The following FBF1 variants were observed in gnomAD, a reference collection of about 807,000 sequenced individuals.
FBF1 encodes the protein fas-binding factor 1.
In FBF1, 119 loss-of-function variants were observed where a neutral mutation model predicts 147.2. That is an observed-to-expected ratio of 0.81 (90% CI 0.70 to 0.94). The LOEUF (loss-of-function observed/expected upper bound fraction) is 0.94, where lower values mean the gene tolerates loss of function less well. FBF1 is among the 40% of genes least tolerant of loss of function. The probability of loss-of-function intolerance (pLI) is 0.00; values close to 1 mark genes in which losing one functional copy is unlikely to be tolerated. For missense variants in FBF1, 1,449 were observed against 1,500.8 expected (o/e 0.97, Z 0.57); for synonymous variants, 601 against 609.0 (o/e 0.99, Z 0.19).
chr17:75,930,203 C>G, intron 6 of FBF1, 156 bp from the exon 7 acceptor site: 1 of 613,298 alleles, frequency 1.6e-6, no homozygotes, highest in Admixed American at 2.8e-5. Flanking sequence ...TGGCTTTGTT[C>G]CCCTTGCTTG....
In FBF1 at chr17:75,928,498, CT is replaced by C. The variant is rs578182291; in HGVS notation, c.280-306del. 1.6e-3 allele frequency among the ~76,000 whole-genome samples: 248 copies of C among 152,146 alleles called. No individual in the cohort carries two copies. The highest frequency in any genetic ancestry group is 5.7e-3 in the African/African-American group (237 of 41,502). On this transcript the variant is annotated intron_variant, in intron 7 of 29. Transcript: ENST00000636174. The surrounding 1 kb of genome is among the most constrained non-coding windows in gnomAD (Gnocchi z 4.2). ...TAGGTGGCTGGTCTCGGGAAAAAAG[CT>C]TTCTTTTTTTTCTTTTTTTAGACAG... is the stretch of plus-strand genomic sequence containing the variant.
At chr17:75,924,224 TA>T (rs2065546896) in intron 13 of FBF1, among the ~76,000 whole-genome samples, 1 of 151,982 alleles carries the variant, frequency 6.6e-6, no homozygotes, top group African/African-American at 2.4e-5. Flanking sequence ...AAAAAAATAA[TA>T]ATAAGTTGGA....
chr17:75,918,583 T>A lies in FBF1; in HGVS notation c.2139-314A>T, dbSNP rs1460409734. On this transcript the variant is annotated intron_variant, in intron 20 of 29. Coordinates refer to ENST00000636174, the MANE Select transcript of FBF1 (RefSeq NM_001319193.2). The surrounding 1 kb of genome is among the most constrained non-coding windows in gnomAD (Gnocchi z 5.8). ...CATGATCTCGGCTCACTGCAACCTC[T>A]GCCTCCTGGGTTCAAGCAATTCTCC... 6.6e-6 allele frequency among the ~76,000 whole-genome samples: 1 copy of A among 152,050 alleles called. No homozygotes were observed. The highest frequency in any genetic ancestry group is 2.4e-5 in the African/African-American group (1 of 41,394).
At chr17:75,936,595 A>C (rs1447750040) in intron 3 of FBF1, among the ~76,000 whole-genome samples, 2 of 152,144 alleles carry the variant, frequency 1.3e-5, no homozygotes, top group Non-Finnish European at 2.9e-5. Context: ...GAATTGCTTG[A>C]AACTGGGAGG....
Position 75,919,952 on chromosome 17 carries a change from G to A in FBF1, c.1931+55C>T. On this transcript the variant is annotated intron_variant, in intron 19 of 29. Transcript: ENST00000636174. The surrounding 1 kb of genome is among the most constrained non-coding windows in gnomAD (Gnocchi z 5.0). ...AAAGGCCTCTCCAGGCACACTGGGTGGCCTTTGGGGTCAGTGTGAGATCCA... is the reference window on the plus strand; with the variant it reads ...AAAGGCCTCTCCAGGCACACTGGGTAGCCTTTGGGGTCAGTGTGAGATCCA... The A allele has an allele frequency of 6.2e-7, 1 of 1,609,272 alleles. No individual in the cohort carries two copies. The highest frequency in any genetic ancestry group is 8.5e-7 in the Non-Finnish European group (1 of 1,176,492).
Position 75,921,519 on chromosome 17 carries a change from G to A in FBF1, c.1568C>T (p.Thr523Ile). Residue 523 changes from threonine to isoleucine, a missense_variant, in exon 16 of 30, where the codon ACA becomes ATA. Physicochemically the swap from Thr to Ile is moderately conservative, Grantham distance 89. Transcript: ENST00000636174. ...GGCTGTTCCCCTCTTTGGGGAACCT[G>A]TAGGGAGTGCTGAGGCGGCATGGTT... The part of the protein sequence containing the change: ...TQNHAASALP[T>I]GSPKRGTAPG... 6.2e-7 allele frequency: 1 copy of A among 1,613,234 alleles called. No individual in the cohort carries two copies. The highest frequency in any genetic ancestry group is 8.5e-7 in the Non-Finnish European group (1 of 1,179,638).
rs779810936 is a variant in FBF1, at chr17:75,925,351, C to A, written c.964G>T (p.Val322Phe). 6.2e-7 allele frequency: 1 copy of A among 1,612,554 alleles called. No individual in the cohort carries two copies. Among genetic ancestry groups the A allele is most frequent in the East Asian group, 2.2e-5 (1 of 44,874 alleles). Residue 322 changes from valine to phenylalanine, a missense_variant, in exon 13 of 30, where the codon GTC becomes TTC. Coordinates refer to ENST00000636174, the MANE Select transcript of FBF1 (RefSeq NM_001319193.2). This position sits in a 1 kb window ranked among gnomAD's most constrained non-coding sequence, Gnocchi z 5.0. ...CCTCCTGCAGGCCCCACTTACCTGA[C>A]AGACTGCCGGCGGGACTGCCGGCCC... ...SEGRQSRRQS[V>F]SRFFADSGAD...
chr17:75,933,728 G>A (rs1457592781), intron 4 of FBF1, among the ~76,000 whole-genome samples: 1 of 152,150 alleles, frequency 6.6e-6, no homozygotes, highest in African/African-American at 2.4e-5. Flanking sequence ...AAAAAGACAA[G>A]TAACCCAATT....
At position 75,931,437 on chromosome 17, in the gene FBF1, A is replaced by G; in HGVS notation, c.168-148T>C. On this transcript the variant is annotated intron_variant, in intron 5 of 29. Coordinates refer to ENST00000636174, the MANE Select transcript of FBF1 (RefSeq NM_001319193.2). ...TAAAAGGAATGTCACAGGCCACCTG[A>G]TGCAGTGATTTTCAACTTTGTTAGC... is the stretch of plus-strand genomic sequence containing the variant. 7.7e-6 allele frequency: 5 copies of G among 652,590 alleles called. No individual in the cohort carries two copies. The South Asian group carries it at 9.5e-5, about 12-fold the overall frequency. 40.4% of individuals were successfully genotyped at this position (652,590 alleles called of 1,614,324 possible). A position where few individuals can be genotyped will look rare whatever the true frequency, so the allele number is the denominator to read the frequency against.
chr17:75,925,211 C>G lies in FBF1; in HGVS notation c.968+136G>C. ...GGCCATCTCCCGCTTCCTTCAGCAC[C>G]TGCAGAGCTGAGGGCCTTGTACCCT... On this transcript the variant is annotated intron_variant, in intron 13 of 29. Transcript: ENST00000636174. The surrounding 1 kb of genome is among the most constrained non-coding windows in gnomAD (Gnocchi z 5.0). The G allele has an allele frequency of 1.7e-6, 1 of 605,816 alleles. No individual in the cohort carries two copies. The highest frequency in any genetic ancestry group is 2.8e-6 in the Non-Finnish European group (1 of 355,496). The allele number at this position is 605,816 out of a possible 1,614,324, so 37.5% of individuals were successfully genotyped here. A position where few individuals can be genotyped will look rare whatever the true frequency, so the allele number is the denominator to read the frequency against.
In FBF1 at chr17:75,921,393, G is replaced by T. The variant is rs574337801; in HGVS notation, c.1615+79C>A. On this transcript the variant is annotated intron_variant, in intron 16 of 29. Coordinates refer to ENST00000636174, the MANE Select transcript of FBF1 (RefSeq NM_001319193.2). ...GGGGCTGGTGTAACTCATGTCCCAG[G>T]GACCCCAAAGGAAGCTCAAAGCACC... 1.5e-5 allele frequency: 24 copies of T among 1,548,786 alleles called. 1 individual carries two copies. The South Asian group carries it at 2.6e-4, about 17-fold the overall frequency.
At position 75,914,425 on chromosome 17, in the gene FBF1, G is replaced by A; in HGVS notation, c.2815-127C>T. ...GGTGGTGGAGCCAGGGGCTTCCAGG[G>A]AGAGCCAGAGAAGCCTGGGGCCAAG... On this transcript the variant is annotated intron_variant, in intron 25 of 29. Coordinates refer to ENST00000636174, the MANE Select transcript of FBF1 (RefSeq NM_001319193.2). 5.8e-6 allele frequency: 8 copies of A among 1,382,962 alleles called. No individual in the cohort carries two copies. The South Asian group carries it at 1.1e-4, about 19-fold the overall frequency. The allele number at this position is 1,382,962 out of a possible 1,614,324, so 85.7% of individuals were successfully genotyped here.
In FBF1 at chr17:75,923,464, A is replaced by T. The variant is rs373137200; in HGVS notation, c.1146T>A (p.Ser382Arg). Residue 382 changes from serine (S) to arginine (R), a missense_variant, in exon 14 of 30, where the codon AGT becomes AGA. Coordinates refer to ENST00000636174, the MANE Select transcript of FBF1 (RefSeq NM_001319193.2). This position sits in a 1 kb window ranked among gnomAD's most constrained non-coding sequence, Gnocchi z 4.1. Reference sequence around the variant, plus strand: ...GCACTGAGGGCGTGACAGGCACTGAACTTTCCCGATGGGCCTCTCTGGTGG... The same window carrying T: ...GCACTGAGGGCGTGACAGGCACTGATCTTTCCCGATGGGCCTCTCTGGTGG... ...ASPTREAHRESSVPVTPSVPP... is the reference protein window; with the variant it reads ...ASPTREAHRERSVPVTPSVPP... 3.3e-5 allele frequency: 53 copies of T among 1,609,206 alleles called. 1 individual carries two copies. In the African/African-American group the frequency reaches 6.8e-4, roughly 21 times the overall value.
intron 9 of FBF1, among the ~76,000 whole-genome samples, 199 bp from the exon 10 acceptor site, chr17:75,927,076 A>C (rs941867461): frequency 2.6e-5 from 4 of 152,150 alleles, no homozygotes; most frequent in Admixed American, 6.5e-5. Context: ...AGGGAGTTGG[A>C]GGGCGGCCCT....
intron 8 of FBF1, 72 bp from the exon 9 acceptor site, chr17:75,927,604 C>G: frequency 2.2e-6 from 3 of 1,366,950 alleles, no homozygotes; most frequent in Non-Finnish European, 3.1e-6. Flanking sequence ...ATATCATGGA[C>G]TGGGGCCCCT....
rs1238075109 is a variant in FBF1, at chr17:75,919,867, T to C, written c.1939A>G (p.Ile647Val). Residue 647 changes from isoleucine (I) to valine (V), a missense_variant, in exon 20 of 30, where the codon ATC becomes GTC. By Grantham distance (29) the Ile-to-Val change is conservative (BLOSUM62 3). Transcript: ENST00000636174. This position sits in a 1 kb window ranked among gnomAD's most constrained non-coding sequence, Gnocchi z 5.0. ...TGGTACGATGTTTCTAGCACCTTGA[T>C]GCGGCTTCTGCCAACAGAACACCCA... ...ELIESAHRSR[I>V]KVLETSYQQR... 2 of 1,613,754 alleles carry C rather than the reference T, an allele frequency of 1.2e-6. No homozygotes were observed. The highest frequency in any genetic ancestry group is 1.1e-5 in the South Asian group (1 of 91,090).
In FBF1 at chr17:75,917,863, C is replaced by T; in HGVS notation, c.2387-13G>A. 1 of 1,586,718 alleles carries T rather than the reference C, an allele frequency of 6.3e-7. No homozygotes were observed. On this transcript the variant is annotated splice_polypyrimidine_tract_variant and intron_variant, in intron 22 of 29. Coordinates refer to ENST00000636174, the MANE Select transcript of FBF1 (RefSeq NM_001319193.2). ...CGCTCCTGCAGTGCTGGGGGCAACC[C>T]ACAGGGTGCTCAGCAGCTGCTCCCC...
chr17:75,914,343 C>A, intron 25 of FBF1, 45 bp from the exon 26 acceptor site: 1 of 1,555,632 alleles, frequency 6.4e-7, no homozygotes, highest in Non-Finnish European at 8.6e-7. Context: ...CCAGGAATTG[C>A]GCTGCACTCT....
intron 17 of FBF1, 78 bp downstream of exon 17, chr17:75,921,166 C>A: frequency 2.1e-6 from 3 of 1,453,010 alleles, no homozygotes; most frequent in South Asian, 2.4e-5. Flanking sequence ...GTCGTCAGGT[C>A]AAACTGTGGG....
Sources: allele counts gnomAD v4.1 joint callset (sites outside exome capture counted in the v4.1 genomes callset), GRCh38; gene constraint gnomAD v4.1.1; non-coding constraint Gnocchi (gnomAD v3.1); transcripts MANE v1.5; gene names NCBI Gene and HGNC (gene_info 2026-07-23, HGNC 2026-07-21).